LIPC: variants seen among roughly 807,000 people sequenced by gnomAD.
LIPC encodes the protein lipase C, hepatic type, also known as hepatic triacylglycerol lipase.
In LIPC, 44 loss-of-function variants were observed where a neutral mutation model predicts 50.7. That is an observed-to-expected ratio of 0.87 (90% CI 0.68 to 1.11). LIPC has a LOEUF of 1.11. Among genes scored for constraint, LIPC ranks in the 50% most tolerant of loss-of-function variants. The pLI is 0.00. For synonymous variants in LIPC, 271 were observed against 256.4 expected (o/e 1.06, Z -0.54); for missense variants, 697 against 648.2 (o/e 1.08, Z -0.82).
At chr15:58,551,567 G>T (rs1893760779) in intron 6 of LIPC, among the ~76,000 whole-genome samples, 1 of 152,116 alleles carries the variant, frequency 6.6e-6, no homozygotes, top group African/African-American at 2.4e-5. Flanking sequence ...CTGGGATGAA[G>T]ATTTTAATCT....
chr15:58,457,469 G>C (rs147932910), intron 1 of LIPC, among the ~76,000 whole-genome samples: 63 of 152,284 alleles, frequency 4.1e-4, no homozygotes, highest in African/African-American at 1.4e-3. Context: ...AGGCCTACAA[G>C]GCACCCCGTT....
chr15:58,503,708 G>C (rs1892060341), intron 1 of LIPC, among the ~76,000 whole-genome samples: 2 of 152,190 alleles, frequency 1.3e-5, no homozygotes, highest in Non-Finnish European at 2.9e-5. Flanking sequence ...TGTGAGTGCT[G>C]TCTCTGTGAG....
At chr15:58,490,201 C>T (rs553629406) in intron 1 of LIPC, among the ~76,000 whole-genome samples, 2 of 152,196 alleles carry the variant, frequency 1.3e-5, no homozygotes, top group East Asian at 3.9e-4. Flanking sequence ...CTTAAACATG[C>T]GTGGGGTCGG....
intron 1 of LIPC, chr15:58,521,389 A>ATG (rs1439826748): frequency 2.6e-5 from 4 of 152,438 alleles, no homozygotes; most frequent in African/African-American, 9.7e-5. Context: ...GGGATTGGGG[A>ATG]GCACAGAGAA....
At position 58,569,578 on chromosome 15, in the gene LIPC, T is replaced by C. The variant is rs1894485470; in HGVS notation, c.*751T>C. 6.6e-6 allele frequency: 1 copy of C among 152,234 alleles called. No individual in the cohort carries two copies. The highest frequency in any genetic ancestry group is 2.1e-4 in the South Asian group (1 of 4,828). 9.4% of individuals were successfully genotyped at this position (152,234 alleles called of 1,614,324 possible). A position where few individuals can be genotyped will look rare whatever the true frequency, so the allele number is the denominator to read the frequency against. ...TCACCCCAAAATTCATATGCTGAAA[T>C]CTAATCCCCAATGTGATGGTGTTTG... On this transcript the variant is annotated 3_prime_UTR_variant, in exon 9 of 9. Transcript: ENST00000299022.
chr15:58,502,981 G>A (rs1233396148), intron 1 of LIPC, among the ~76,000 whole-genome samples: 1 of 149,660 alleles, frequency 6.7e-6, no homozygotes, highest in African/African-American at 2.5e-5. Context: ...AAGCCCAGGT[G>A]CAAACACTTC....
At position 58,468,726 on chromosome 15, in the gene LIPC, G is replaced by A. The variant is rs115640966; in HGVS notation, c.88+36606G>A. 4.5e-3 allele frequency among the ~76,000 whole-genome samples: 685 copies of A among 152,306 alleles called. 6 individuals carry two copies. Among genetic ancestry groups the A allele is most frequent in the African/African-American group, 0.016 (658 of 41,564 alleles). ...TAACAGAAAGGCCCACCCCAGACCA[G>A]TTCAGATCTAAAGACAGCCTGGACT... On this transcript the variant is annotated intron_variant, in intron 1 of 8. Coordinates refer to ENST00000299022, the MANE Select transcript of LIPC (RefSeq NM_000236.3).
At chr15:58,446,448 T>G (rs901559779) in intron 1 of LIPC, among the ~76,000 whole-genome samples, 1 of 152,176 alleles carries the variant, frequency 6.6e-6, no homozygotes, top group Non-Finnish European at 1.5e-5. Flanking sequence ...TTACTCCAAT[T>G]TTCCCAGTTG....
At chr15:58,443,370 T>C (rs1406706675) in intron 1 of LIPC, among the ~76,000 whole-genome samples, 1 of 152,200 alleles carries the variant, frequency 6.6e-6, no homozygotes, top group African/African-American at 2.4e-5. Context: ...GATGAAGCCC[T>C]GGACCCCTCA....
intron 1 of LIPC, among the ~76,000 whole-genome samples, chr15:58,524,862 A>T (rs1892755698): frequency 6.6e-6 from 1 of 151,302 alleles, no homozygotes; most frequent in Non-Finnish European, 1.5e-5. Flanking sequence ...TTTATTGTTC[A>T]TTTTTTGCCT....
intron 1 of LIPC, among the ~76,000 whole-genome samples, chr15:58,476,368 C>T (rs953426154): frequency 6.6e-6 from 1 of 152,228 alleles, no homozygotes; most frequent in African/African-American, 2.4e-5. Context: ...TCTAATATCA[C>T]ATTTAACACA....
rs181520989 is a variant in LIPC at position 58,529,878 on chromosome 15, G to T, written c.89-8455G>T. Reference sequence around the variant, plus strand: ...TCATCACTACCAATAAAAGGTCCCTGGTCCTTGGGGAGCAGTGGTTGGAGT... The same window carrying T: ...TCATCACTACCAATAAAAGGTCCCTTGTCCTTGGGGAGCAGTGGTTGGAGT... On this transcript the variant is annotated intron_variant, in intron 1 of 8. Transcript: ENST00000299022. 3.3e-5 allele frequency among the ~76,000 whole-genome samples: 5 copies of T among 152,320 alleles called. No individual in the cohort carries two copies. The East Asian group carries it at 9.6e-4, about 29-fold the overall frequency.
At chr15:58,563,824 T>A in intron 8 of LIPC, 101 bp downstream of exon 8, 1 of 986,400 alleles carries the variant, frequency 1.0e-6, no homozygotes, top group Non-Finnish European at 1.6e-6. Flanking sequence ...AGGTGAGTAT[T>A]ATTAGGCCCT....
At chr15:58,469,367 G>A (rs553491659) in intron 1 of LIPC, among the ~76,000 whole-genome samples, 1 of 152,266 alleles carries the variant, frequency 6.6e-6, no homozygotes, top group East Asian at 1.9e-4. Flanking sequence ...GCCCACTTGG[G>A]TCTCAACCAT....
chr15:58,519,474 G>C (rs1892589248), intron 1 of LIPC, among the ~76,000 whole-genome samples: 1 of 151,690 alleles, frequency 6.6e-6, no homozygotes, highest in African/African-American at 2.4e-5. Flanking sequence ...CAAGGATTAA[G>C]AGAGTTACTC....
At chr15:58,487,847 G>A (rs1424173311) in intron 1 of LIPC, among the ~76,000 whole-genome samples, 1 of 152,212 alleles carries the variant, frequency 6.6e-6, no homozygotes, top group East Asian at 1.9e-4. Flanking sequence ...GATAGATCAT[G>A]AAATCCTGTT....
chr15:58,462,904 GT>G lies in LIPC; in HGVS notation c.88+30786del, dbSNP rs1293378730. 5.3e-5 allele frequency among the ~76,000 whole-genome samples: 8 copies of G among 152,344 alleles called. No individual in the cohort carries two copies. The East Asian group carries it at 1.5e-3, about 29-fold the overall frequency. On this transcript the variant is annotated intron_variant, in intron 1 of 8. Coordinates refer to ENST00000299022, the MANE Select transcript of LIPC (RefSeq NM_000236.3). ...CCCTGCCTGCAGAGTTATTGGCGGA[GT>G]TATTCTTGGTGCTCATTAGCACTGC...
At chr15:58,528,641 A>C (rs1892860503) in intron 1 of LIPC, among the ~76,000 whole-genome samples, 1 of 152,132 alleles carries the variant, frequency 6.6e-6, no homozygotes, top group African/African-American at 2.4e-5. Flanking sequence ...AGTAGCTGGG[A>C]CTACAGGCAC....
At chr15:58,556,791 C>T (rs144671771) in intron 6 of LIPC, among the ~76,000 whole-genome samples, 3 of 152,172 alleles carry the variant, frequency 2.0e-5, no homozygotes, top group Non-Finnish European at 2.9e-5. Context: ...TTATTAGCCA[C>T]GTGACAACGA....
Sources: gnomAD v4.1 joint callset for allele counts (sites outside exome capture counted in the v4.1 genomes callset) on GRCh38, gnomAD v4.1.1 for gene constraint, MANE v1.5 for transcripts, NCBI Gene and HGNC (gene_info 2026-07-23, HGNC 2026-07-21) for gene names.